The following GMDS variants were observed in gnomAD, a reference collection of about 807,000 sequenced individuals.
GMDS encodes GDP-mannose 4,6-dehydratase.
GMDS carries 20 observed loss-of-function variants against 49.9 expected under a neutral mutation model. That is an observed-to-expected ratio of 0.40 (90% confidence interval 0.28 to 0.58). The LOEUF is 0.58. Ranked by LOEUF, GMDS falls within the 20% of genes least tolerant of loss-of-function variation. GMDS has a pLI of 0.42. For synonymous variants in GMDS, 177 were observed against 178.6 expected (o/e 0.99, Z 0.07); for missense variants, 362 against 481.4 (o/e 0.75, Z 2.32).
intron 7 of GMDS, among the ~76,000 whole-genome samples, chr6:1,914,460 C>T (rs1471239443): frequency 1.4e-5 from 2 of 144,268 alleles, no homozygotes; most frequent in African/African-American, 5.2e-5. Context: ...GAGCAAGACT[C>T]TGTCTCAAAA....
chr6:2,067,959 CA>C (rs1244633101), intron 4 of GMDS, among the ~76,000 whole-genome samples: 1 of 150,688 alleles, frequency 6.6e-6, no homozygotes, highest in African/African-American at 2.4e-5. Flanking sequence ...AGAGACACAA[CA>C]AAAAAAGAGA....
intron 9 of GMDS, among the ~76,000 whole-genome samples, chr6:1,704,095 C>G (rs1342072232): frequency 6.6e-6 from 1 of 152,130 alleles, no homozygotes; most frequent in Non-Finnish European, 1.5e-5. Context: ...AAGACAAGAC[C>G]TCGTTCTTGA....
At chr6:2,195,055 G>T (rs183650432) in intron 1 of GMDS, among the ~76,000 whole-genome samples, 95 of 152,302 alleles carry the variant, frequency 6.2e-4, no homozygotes, top group African/African-American at 2.2e-3. Flanking sequence ...TTTCCTTTCT[G>T]AGGTAATTAT....
intron 8 of GMDS, among the ~76,000 whole-genome samples, chr6:1,727,867 T>C (rs1439648588): frequency 6.6e-6 from 1 of 152,232 alleles, no homozygotes; most frequent in Non-Finnish European, 1.5e-5. Context: ...TATAGCGCAG[T>C]ATGTTGAATA....
chr6:2,213,005 TG>T (rs1780144414), intron 1 of GMDS, among the ~76,000 whole-genome samples: 2 of 152,218 alleles, frequency 1.3e-5, no homozygotes, highest in Admixed American at 6.5e-5. Context: ...CCTTTCTAGG[TG>T]GCTTAGGAAC....
intron 4 of GMDS, among the ~76,000 whole-genome samples, chr6:1,996,219 C>T (rs1478966258): frequency 6.6e-6 from 1 of 152,016 alleles, no homozygotes; most frequent in Non-Finnish European, 1.5e-5. Flanking sequence ...TCTTCTCACA[C>T]ACTCCCTGCC....
intron 4 of GMDS, among the ~76,000 whole-genome samples, chr6:2,115,332 A>G (rs1017264141): frequency 6.6e-6 from 1 of 152,196 alleles, no homozygotes; most frequent in Non-Finnish European, 1.5e-5. Context: ...TAATTCAGCT[A>G]ATTTTAACAT....
At chr6:2,198,522 A>G (rs1056309025) in intron 1 of GMDS, among the ~76,000 whole-genome samples, 4 of 152,024 alleles carry the variant, frequency 2.6e-5, no homozygotes, top group South Asian at 2.1e-4. Flanking sequence ...TGAGTTTTTA[A>G]TCATGTTCCA....
intron 7 of GMDS, among the ~76,000 whole-genome samples, chr6:1,853,515 C>T (rs1437897908): frequency 1.2e-5 from 1 of 80,840 alleles, no homozygotes; most frequent in African/African-American, 5.4e-5. Flanking sequence ...GAGACTCCGT[C>T]TCAAAAAAAA....
At chr6:1,676,237 A>T (rs984554400) in intron 9 of GMDS, among the ~76,000 whole-genome samples, 1 of 152,232 alleles carries the variant, frequency 6.6e-6, no homozygotes, top group Non-Finnish European at 1.5e-5. Flanking sequence ...AATGTGAAGG[A>T]CCTCTTCAAG....
intron 9 of GMDS, among the ~76,000 whole-genome samples, chr6:1,716,705 C>T (rs528293946): frequency 2.6e-4 from 40 of 152,306 alleles, no homozygotes; most frequent in African/African-American, 7.0e-4. Context: ...GAGTCCCTGC[C>T]TATGTCTCTG....
intron 4 of GMDS, among the ~76,000 whole-genome samples, chr6:2,114,197 C>G (rs1774714733): frequency 6.6e-6 from 1 of 152,166 alleles, no homozygotes. Flanking sequence ...TTACAATTTT[C>G]AGCTCCTAGA....
intron 9 of GMDS, among the ~76,000 whole-genome samples, chr6:1,686,748 C>T (rs1233115616): frequency 6.6e-6 from 1 of 152,174 alleles, no homozygotes; most frequent in Admixed American, 6.5e-5. Flanking sequence ...ATTAACGCAG[C>T]AACTTCTGAA....
intron 1 of GMDS, among the ~76,000 whole-genome samples, chr6:2,136,443 G>A (rs745489448): frequency 6.6e-6 from 1 of 152,206 alleles, no homozygotes; most frequent in Non-Finnish European, 1.5e-5. Flanking sequence ...TGGGCCAGGC[G>A]TGGTGGCTCC....
chr6:1,650,111 G>A (rs559181823), intron 9 of GMDS, among the ~76,000 whole-genome samples: 56 of 152,254 alleles, frequency 3.7e-4, no homozygotes, highest in Non-Finnish European at 5.4e-4. Context: ...AGGTTCCCTC[G>A]GCCACGCAGC....
intron 7 of GMDS, among the ~76,000 whole-genome samples, chr6:1,903,400 T>C (rs979304227): frequency 6.6e-6 from 1 of 152,224 alleles, no homozygotes; most frequent in Non-Finnish European, 1.5e-5. Context: ...TTTTGTTGAG[T>C]ACATGGAATT....
chr6:1,727,170 A>G (rs1198055222), intron 8 of GMDS, among the ~76,000 whole-genome samples: 2 of 152,138 alleles, frequency 1.3e-5, no homozygotes, highest in Non-Finnish European at 2.9e-5. Flanking sequence ...ACCTCCTCTG[A>G]CCTAGCTAGG....
At chr6:1,815,963 T>C (rs188562308) in intron 7 of GMDS, among the ~76,000 whole-genome samples, 26 of 152,312 alleles carry the variant, frequency 1.7e-4, no homozygotes, top group Admixed American at 5.2e-4. Flanking sequence ...AAAGTCTTCA[T>C]CCATGACACC....
At chr6:1,977,385 C>T (rs1042010719) in intron 4 of GMDS, among the ~76,000 whole-genome samples, 1 of 152,166 alleles carries the variant, frequency 6.6e-6, no homozygotes, top group Non-Finnish European at 1.5e-5. Context: ...CAGGATGCCA[C>T]ACAAGTATCT....
Sources: allele counts gnomAD v4.1 joint callset (sites outside exome capture counted in the v4.1 genomes callset), GRCh38; gene constraint gnomAD v4.1.1; transcripts MANE v1.5; gene names NCBI Gene and HGNC (gene_info 2026-07-23, HGNC 2026-07-21).